Variants in GUCA1C observed in about 807,000 individuals in gnomAD.
GUCA1C encodes the protein guanylate cyclase activator 1C.
In GUCA1C, 15 loss-of-function variants were observed where a neutral mutation model predicts 16.2. The ratio of observed to expected loss-of-function variants is 0.93; its 90% CI spans 0.62 to 1.43. The LOEUF (loss-of-function observed/expected upper bound fraction) is 1.43, where lower values mean the gene tolerates loss of function less well. Ranked by LOEUF, GUCA1C falls within the 40% of genes most tolerant of loss-of-function variation. GUCA1C has a pLI of 0.00. For missense variants in GUCA1C, 275 were observed against 244.8 expected, an observed-to-expected ratio of 1.12 and a Z score of -0.82; for synonymous variants, 78 against 85.4, an observed-to-expected ratio of 0.91 and a Z score of 0.48.
At chr3:108,921,698 AT>A (rs1458890278) in intron 1 of GUCA1C, among the ~76,000 whole-genome samples, 1 of 152,054 alleles carries the variant, frequency 6.6e-6, no homozygotes, top group Non-Finnish European at 1.5e-5. Flanking sequence ...GATGTTGAAC[AT>A]CTTTTTGTGT....
chr3:108,932,323 C>CAAAAAAAAAAAAAAAAAAAAA, intron 1 of GUCA1C, among the ~76,000 whole-genome samples: 1 of 102,042 alleles, frequency 9.8e-6, no homozygotes, highest in Non-Finnish European at 1.9e-5. Flanking sequence ...GACCTCCCAC[C>CAAAAAAAAAAAAAAAAAAAAA]AAAAAAAAAA....
intron 3 of GUCA1C, among the ~76,000 whole-genome samples, chr3:108,909,661 T>A (rs956059303): frequency 6.6e-6 from 1 of 152,228 alleles, no homozygotes; most frequent in African/African-American, 2.4e-5. Context: ...AGAACCGGGA[T>A]ATAGTAGTGG....
intron 1 of GUCA1C, among the ~76,000 whole-genome samples, chr3:108,929,514 T>C (rs1170114536): frequency 1.3e-5 from 2 of 152,224 alleles, no homozygotes; most frequent in Non-Finnish European, 2.9e-5. Context: ...AGAGGGGACA[T>C]CCTTGCCTTG....
chr3:108,910,673 G>C (rs557178559), intron 3 of GUCA1C, among the ~76,000 whole-genome samples: 1 of 149,526 alleles, frequency 6.7e-6, no homozygotes, highest in East Asian at 2.0e-4. Flanking sequence ...TTTTTGAGAC[G>C]GAGTCTCCCT....
intron 1 of GUCA1C, among the ~76,000 whole-genome samples, chr3:108,941,884 T>C (rs1487166854): frequency 4.6e-5 from 7 of 152,208 alleles, no homozygotes; most frequent in African/African-American, 1.7e-4. Context: ...GTTACCCATA[T>C]GGAGCAAAAG....
chr3:108,938,430 C>T lies in GUCA1C; in HGVS notation c.204+15129G>A, dbSNP rs190953195. 7.2e-4 allele frequency among the ~76,000 whole-genome samples: 110 copies of T among 152,000 alleles called. 1 individual carries two copies. Among genetic ancestry groups the T allele is most frequent in the Non-Finnish European group, 1.3e-3 (90 of 68,030 alleles). On this transcript the variant is annotated intron_variant, in intron 1 of 3. Transcript: ENST00000261047. ...ATGGTCAGAAGTAAGGAAACCCAGA[C>T]GGCTAGCATAAGCACATTACACAAT...
rs1237542613 is a variant in GUCA1C at position 108,947,873 on chromosome 3, A to T, written c.204+5686T>A. On this transcript the variant is annotated intron_variant, in intron 1 of 3. Transcript: ENST00000261047. The stretch of plus-strand genomic sequence containing the variant: ...TACTTTGCCTTGTTACTTTCAGTCA[A>T]ATATAGCATCAGATTTGTTAAATAT... Among the ~76,000 whole-genome samples, 4 of 152,310 alleles carry T rather than the reference A, an allele frequency of 2.6e-5. No homozygotes were observed. In the East Asian group the frequency reaches 7.7e-4, roughly 29 times the overall value.
intron 3 of GUCA1C, among the ~76,000 whole-genome samples, chr3:108,915,111 G>C (rs942384879): frequency 8.6e-5 from 13 of 151,816 alleles, no homozygotes; most frequent in African/African-American, 2.9e-4. Flanking sequence ...GGCTGCATTT[G>C]AGCTTCCTCC....
chr3:108,916,471 C>T (rs1349947084), intron 2 of GUCA1C, among the ~76,000 whole-genome samples: 2 of 152,166 alleles, frequency 1.3e-5, no homozygotes, highest in Non-Finnish European at 2.9e-5. Flanking sequence ...TATTAGATCA[C>T]AACAGATGCA....
At chr3:108,930,273 A>G (rs1373796976) in intron 1 of GUCA1C, among the ~76,000 whole-genome samples, 2 of 152,182 alleles carry the variant, frequency 1.3e-5, no homozygotes, top group African/African-American at 2.4e-5. Flanking sequence ...GATGTGACAT[A>G]AAGTAAACCA....
intron 1 of GUCA1C, among the ~76,000 whole-genome samples, chr3:108,925,485 ACT>A (rs1946614412): frequency 6.6e-6 from 1 of 152,092 alleles, no homozygotes; most frequent in African/African-American, 2.4e-5. Context: ...AGTCTGAGAG[ACT>A]ACTTGACATA....
chr3:108,910,885 C>T (rs1946445937), intron 3 of GUCA1C, among the ~76,000 whole-genome samples: 1 of 152,016 alleles, frequency 6.6e-6, no homozygotes, highest in African/African-American at 2.4e-5. Flanking sequence ...CTCCTGACCT[C>T]GTGATCCACC....
chr3:108,940,928 A>G (rs1946779760), intron 1 of GUCA1C, among the ~76,000 whole-genome samples: 1 of 152,232 alleles, frequency 6.6e-6, no homozygotes, highest in African/African-American at 2.4e-5. Flanking sequence ...GTCTTGTCCA[A>G]GATTACATAC....
intron 1 of GUCA1C, among the ~76,000 whole-genome samples, chr3:108,939,769 T>C (rs956539470): frequency 3.3e-5 from 5 of 152,150 alleles, no homozygotes; most frequent in African/African-American, 1.2e-4. Flanking sequence ...TTCTGTCACT[T>C]AGACTGCGGT....
At chr3:108,910,327 T>G (rs1035828027) in intron 3 of GUCA1C, among the ~76,000 whole-genome samples, 1 of 151,754 alleles carries the variant, frequency 6.6e-6, no homozygotes, top group African/African-American at 2.4e-5. Flanking sequence ...TGGAACCCCA[T>G]CTCTATTAAA....
At chr3:108,933,306 G>C (rs1250017294) in intron 1 of GUCA1C, among the ~76,000 whole-genome samples, 1 of 152,160 alleles carries the variant, frequency 6.6e-6, no homozygotes, top group African/African-American at 2.4e-5. Context: ...GGAAAGGAGA[G>C]TTTGGAAGCA....
intron 1 of GUCA1C, among the ~76,000 whole-genome samples, chr3:108,950,704 C>T (rs114982888): frequency 0.013 from 1,936 of 152,172 alleles, 56 homozygotes; most frequent in African/African-American, 0.045. Context: ...AGCTTGAATA[C>T]AATCCAAAGC....
At chr3:108,949,758 A>G (rs1946879650) in intron 1 of GUCA1C, among the ~76,000 whole-genome samples, 1 of 152,176 alleles carries the variant, frequency 6.6e-6, no homozygotes, top group Non-Finnish European at 1.5e-5. Context: ...TTTATTAAGG[A>G]ATAGTTGACA....
chr3:108,935,548 T>G, intron 1 of GUCA1C, among the ~76,000 whole-genome samples: 1 of 149,568 alleles, frequency 6.7e-6, no homozygotes. Context: ...AAAAAAAAAT[T>G]AGCTAAGCAT....
Sources: allele counts gnomAD v4.1 joint callset (sites outside exome capture counted in the v4.1 genomes callset), GRCh38; gene constraint gnomAD v4.1.1; transcripts MANE v1.5; gene names NCBI Gene and HGNC (gene_info 2026-07-23, HGNC 2026-07-21).